ATP6V0A1: variants seen among roughly 807,000 people sequenced by gnomAD.
ATP6V0A1 encodes the protein V-type proton ATPase 116 kDa subunit a 1.
ATP6V0A1 carries 43 observed loss-of-function variants against 105.4 expected under a neutral mutation model. The ratio of observed to expected loss-of-function variants is 0.41; its 90% CI spans 0.32 to 0.53. The LOEUF (loss-of-function observed/expected upper bound fraction) is 0.53, where lower values mean the gene tolerates loss of function less well. Ranked by LOEUF, ATP6V0A1 falls within the 20% of genes least tolerant of loss-of-function variation. The probability of loss-of-function intolerance (pLI) is 0.30; values close to 1 mark genes in which losing one functional copy is unlikely to be tolerated. For missense variants in ATP6V0A1, 676 were observed against 1,051.1 expected, an observed-to-expected ratio of 0.64 and a Z score of 4.93; for synonymous variants, 362 against 372.8, an observed-to-expected ratio of 0.97 and a Z score of 0.33.
At chr17:42,507,163 A>G (rs918709578) in intron 17 of ATP6V0A1, among the ~76,000 whole-genome samples, 6 of 152,192 alleles carry the variant, frequency 3.9e-5, no homozygotes, top group Admixed American at 6.5e-5. Context: ...TGCAGCCTTT[A>G]CAGATAGAGC....
intron 18 of ATP6V0A1, 154 bp downstream of exon 18, chr17:42,507,781 T>G (rs2092118183): frequency 1.5e-6 from 1 of 675,540 alleles, no homozygotes; most frequent in Non-Finnish European, 2.6e-6. Context: ...CACCACAGCT[T>G]TTTCCAGTGG....
rs1207812185 is a variant in ATP6V0A1 at position 42,501,846 on chromosome 17, C to T, written c.2004+542C>T. ...GTCAGGAGTTTGAGACCAGCCTGGC[C>T]AACATGGTGAAACCCCATCTTTACT... On this transcript the variant is annotated intron_variant, in intron 17 of 21. Coordinates refer to ENST00000343619, the MANE Select transcript of ATP6V0A1 (RefSeq NM_001130021.3). Among the ~76,000 whole-genome samples the T allele has an allele frequency of 3.9e-5, 6 of 151,926 alleles. No homozygotes were observed. The East Asian group carries it at 9.8e-4, about 25-fold the overall frequency.
At chr17:42,490,785 C>A (rs2090547502) in intron 11 of ATP6V0A1, 148 bp downstream of exon 11, 7 of 805,774 alleles carry the variant, frequency 8.7e-6, no homozygotes. Flanking sequence ...AACTCCTGGC[C>A]TCAAGAGATC....
chr17:42,516,474 C>T (rs1003729356), intron 21 of ATP6V0A1, among the ~76,000 whole-genome samples: 1 of 152,204 alleles, frequency 6.6e-6, no homozygotes, highest in South Asian at 2.1e-4. Context: ...ATCAGCCGAC[C>T]CCCGCAAGCA....
intron 6 of ATP6V0A1, 73 bp downstream of exon 6, chr17:42,477,815 C>T (rs2088948817): frequency 2.3e-6 from 3 of 1,279,488 alleles, no homozygotes; most frequent in Non-Finnish European, 3.4e-6. Flanking sequence ...AGCAGTGAGA[C>T]TGGGGATTCA....
chr17:42,520,821 G>A, intron 21 of ATP6V0A1: 2 of 565,232 alleles, frequency 3.5e-6, no homozygotes, highest in Non-Finnish European at 6.4e-6. Context: ...TGGGAACTGA[G>A]GGCAAATCCC....
intron 20 of ATP6V0A1, 146 bp from the exon 21 acceptor site, chr17:42,514,143 A>T (rs1369754063): frequency 7.8e-7 from 1 of 1,276,332 alleles, no homozygotes; most frequent in Non-Finnish European, 1.1e-6. Flanking sequence ...CACTTGTGCC[A>T]GGTTAGCTCT....
intron 4 of ATP6V0A1, among the ~76,000 whole-genome samples, chr17:42,468,686 A>G (rs149424613): frequency 1.3e-3 from 192 of 152,274 alleles, no homozygotes; most frequent in Non-Finnish European, 1.2e-3. Context: ...CTCCAGTTCT[A>G]TCCATGTTGC....
intron 5 of ATP6V0A1, chr17:42,470,488 A>G (rs2087743585): frequency 9.6e-6 from 3 of 313,236 alleles, no homozygotes; most frequent in African/African-American, 4.3e-5. Flanking sequence ...CATAGTTAGT[A>G]TAAATTTTTA....
intron 19 of ATP6V0A1, chr17:42,510,942 T>C (rs2092318174): frequency 6.6e-6 from 1 of 151,958 alleles, no homozygotes; most frequent in African/African-American, 2.4e-5. Context: ...AGTGCCTTAA[T>C]AAAGGTAAGG....
At chr17:42,494,536 A>C in intron 12 of ATP6V0A1, 63 bp downstream of exon 12, 2 of 1,521,894 alleles carry the variant, frequency 1.3e-6, no homozygotes, top group South Asian at 2.4e-5. Flanking sequence ...ATTCATTATG[A>C]AAATTATGAT....
At chr17:42,481,763 T>C (rs143927165) in intron 8 of ATP6V0A1, among the ~76,000 whole-genome samples, 1 of 152,358 alleles carries the variant, frequency 6.6e-6, no homozygotes, top group East Asian at 1.9e-4. Flanking sequence ...GGTTTATAAA[T>C]GCCATATTAT....
chr17:42,511,833 C>T (rs745749684), intron 19 of ATP6V0A1, among the ~76,000 whole-genome samples: 14 of 151,152 alleles, frequency 9.3e-5, no homozygotes, highest in Non-Finnish European at 1.8e-4. Context: ...TGTGGTGGTG[C>T]GTGCCTGTAA....
rs73983731 is a variant in ATP6V0A1, at chr17:42,486,807, A to G, written c.811-348A>G. Among the ~76,000 whole-genome samples, 1,209 of 152,294 alleles carry G rather than the reference A, an allele frequency of 7.9e-3. 15 individuals carry two copies. Among genetic ancestry groups the G allele is most frequent in the African/African-American group, 0.028 (1,165 of 41,552 alleles). On this transcript the variant is annotated intron_variant, in intron 9 of 21. Coordinates refer to ENST00000343619, the MANE Select transcript of ATP6V0A1 (RefSeq NM_001130021.3). ...GTCAGCTCCTGGGCTTGTGATGCCTACTGAGTTACATTCCCCACATAGAAA... is the reference window on the plus strand; with the variant it reads ...GTCAGCTCCTGGGCTTGTGATGCCTGCTGAGTTACATTCCCCACATAGAAA...
intron 21 of ATP6V0A1, among the ~76,000 whole-genome samples, chr17:42,514,979 G>A (rs2092545898): frequency 6.6e-6 from 1 of 152,260 alleles, no homozygotes; most frequent in South Asian, 2.1e-4. Context: ...TCTATAGGGT[G>A]GAGGTCGGTA....
intron 17 of ATP6V0A1, among the ~76,000 whole-genome samples, chr17:42,503,843 G>GA (rs1476291614): frequency 2.0e-5 from 3 of 152,268 alleles, no homozygotes; most frequent in South Asian, 4.1e-4. Context: ...TTTTGAGTCA[G>GA]AAAAAATTTT....
chr17:42,491,785 T>A (rs973781925), intron 11 of ATP6V0A1, among the ~76,000 whole-genome samples: 1 of 151,352 alleles, frequency 6.6e-6, no homozygotes, highest in African/African-American at 2.4e-5. Flanking sequence ...GCCCGGCCAT[T>A]TTTTTGTATT....
chr17:42,489,450 G>C (rs887620576), intron 10 of ATP6V0A1, among the ~76,000 whole-genome samples: 1 of 151,990 alleles, frequency 6.6e-6, no homozygotes, highest in African/African-American at 2.4e-5. Context: ...AGATTCTGTA[G>C]GTAGGGGTTC....
Position 42,483,114 on chromosome 17 carries a change from A to G in ATP6V0A1, c.793A>G (p.Ile265Val), listed in dbSNP as rs779368097. The change falls in exon 9 of 22, where the codon ATT (isoleucine) becomes GTT (valine). Residue 265 changes from isoleucine (I) to valine (V), a missense_variant. Physicochemically the swap from Ile to Val is conservative, Grantham distance 29 (BLOSUM62 3). Transcript: ENST00000343619. ...AATGGCTTCTGGAGTGAATACCAGG[A>G]TTGATGATCTCCAAATGGTATGCAG... The part of the protein sequence containing the change: ...KEMASGVNTR[I>V]DDLQMVLNQT... The G allele has an allele frequency of 1.6e-5, 25 of 1,545,406 alleles. No individual in the cohort carries two copies. In the Admixed American group the frequency reaches 4.6e-4, roughly 28 times the overall value.
Sources: gnomAD v4.1 joint callset for allele counts (sites outside exome capture counted in the v4.1 genomes callset) on GRCh38, gnomAD v4.1.1 for gene constraint, MANE v1.5 for transcripts, NCBI Gene and HGNC (gene_info 2026-07-23, HGNC 2026-07-21) for gene names.